Variants in NLRP1 observed in about 807,000 individuals in gnomAD.
NLRP1 encodes NACHT, LRR and PYD domains-containing protein 1.
A neutral mutation model predicts 136.7 loss-of-function variants in NLRP1; 94 were observed. That is an observed-to-expected ratio of 0.69 (90% CI 0.58 to 0.82). The LOEUF is 0.82. Among genes scored for constraint, NLRP1 ranks in the 40% least tolerant of loss-of-function variants. The pLI is 0.00. For synonymous variants in NLRP1, 690 were observed against 725.1 expected, an observed-to-expected ratio of 0.95 and a Z score of 0.78; for missense variants, 1,575 against 1,802.7, an observed-to-expected ratio of 0.87 and a Z score of 2.29.
chr17:5,547,634 T>C (rs1399941678), intron 5 of NLRP1, among the ~76,000 whole-genome samples: 1 of 152,188 alleles, frequency 6.6e-6, no homozygotes, highest in Non-Finnish European at 1.5e-5. Flanking sequence ...ACATTGAAGA[T>C]TGGTGTCTTC....
Position 5,583,596 on chromosome 17 carries a change from G to C in NLRP1, c.271+91C>G. 7.6e-7 allele frequency: 1 copy of C among 1,318,308 alleles called. No homozygotes were observed. Among genetic ancestry groups the C allele is most frequent in the Non-Finnish European group, 1.0e-6 (1 of 968,864 alleles). 81.7% of individuals were successfully genotyped at this position (1,318,308 alleles called of 1,614,324 possible). On this transcript the variant is annotated intron_variant, in intron 1 of 16. Coordinates refer to ENST00000572272, the MANE Select transcript of NLRP1 (RefSeq NM_033004.4). This position sits in a 1 kb window ranked among gnomAD's most constrained non-coding sequence, Gnocchi z 4.5. ...TCACTGCTCAGAGGAAGGCCTGGCAGGGAGGGCTCAGTGGTGGGGTCCCAA... is the reference window on the plus strand; with the variant it reads ...TCACTGCTCAGAGGAAGGCCTGGCACGGAGGGCTCAGTGGTGGGGTCCCAA...
intron 5 of NLRP1, among the ~76,000 whole-genome samples, chr17:5,542,972 G>C (rs1169196887): frequency 6.6e-6 from 1 of 152,156 alleles, no homozygotes; most frequent in African/African-American, 2.4e-5. Context: ...TGGGATTACA[G>C]GTGCCTGCCA....
intron 15 of NLRP1, among the ~76,000 whole-genome samples, chr17:5,516,282 C>T (rs750836129): frequency 3.9e-5 from 6 of 152,000 alleles, no homozygotes; most frequent in Non-Finnish European, 8.8e-5. Context: ...ACTGGACAGT[C>T]CAGGGGTCAA....
In NLRP1 at chr17:5,584,244, G is replaced by A. The variant is rs564501066; in HGVS notation, c.-287C>T. 2.0e-6 allele frequency: 1 copy of A among 512,666 alleles called. No individual in the cohort carries two copies. The highest frequency in any genetic ancestry group is 1.9e-5 in the African/African-American group (1 of 52,120). 31.8% of individuals were successfully genotyped at this position (512,666 alleles called of 1,614,324 possible). A position where few individuals can be genotyped will look rare whatever the true frequency, so the allele number is the denominator to read the frequency against. On this transcript the variant is annotated 5_prime_UTR_variant, in exon 1 of 17. Coordinates refer to ENST00000572272, the MANE Select transcript of NLRP1 (RefSeq NM_033004.4). ...GTCCAGGGCCAGGCAGGGAGGGTGA[G>A]GGTGAGGGGAGATGTGGTGACGGGA...
Position 5,541,796 on chromosome 17 carries a change from T to C in NLRP1, c.2699+61A>G. The C allele has an allele frequency of 6.4e-7, 1 of 1,554,538 alleles. No individual in the cohort carries two copies. The highest frequency in any genetic ancestry group is 1.1e-5 in the South Asian group (1 of 89,594). ...TCACCTTCTCTCTGCTCTTACCCTC[T>C]GCCTGCCTCATGGTGGCAGGCAGTT... On this transcript the variant is annotated intron_variant, in intron 6 of 16. Transcript: ENST00000572272. The surrounding 1 kb of genome is among the most constrained non-coding windows in gnomAD (Gnocchi z 4.2).
chr17:5,546,575 A>G (rs1912688061), intron 5 of NLRP1, among the ~76,000 whole-genome samples: 2 of 152,200 alleles, frequency 1.3e-5, no homozygotes, highest in African/African-American at 4.8e-5. Context: ...GCCATTAGTG[A>G]CAAAACCCCA....
At chr17:5,533,072 A>T (rs1910526522) in intron 10 of NLRP1, 88 bp from the exon 11 acceptor site, 5 of 1,475,650 alleles carry the variant, frequency 3.4e-6, no homozygotes, top group Non-Finnish European at 4.5e-6. Flanking sequence ...GCCCTTCCCA[A>T]GGCTGGCCTG....
At chr17:5,545,531 CACAGACACACACACAG>C (rs1453784827) in intron 5 of NLRP1, among the ~76,000 whole-genome samples, 3 of 145,074 alleles carry the variant, frequency 2.1e-5, no homozygotes, top group South Asian at 5.8e-4. Context: ...CAGACACAGA[CACAGACACACACACAG>C]ACACACACAG....
Position 5,514,655 on chromosome 17 carries a change from G to A in NLRP1, c.*99C>T, listed in dbSNP as rs188196063. 1.6e-4 allele frequency: 240 copies of A among 1,541,258 alleles called. 1 individual carries two copies. The East Asian group carries it at 4.2e-3, about 27-fold the overall frequency. On this transcript the variant is annotated 3_prime_UTR_variant, in exon 17 of 17. Coordinates refer to ENST00000572272, the MANE Select transcript of NLRP1 (RefSeq NM_033004.4). Reference sequence around the variant, plus strand: ...AGTTCCATTACTTTAGTGCTGGAAGGCAAACCAGATGGCAACTTGTTTGCA... The same window carrying A: ...AGTTCCATTACTTTAGTGCTGGAAGACAAACCAGATGGCAACTTGTTTGCA...
chr17:5,551,965 G>A (rs1262572649), intron 5 of NLRP1, among the ~76,000 whole-genome samples: 1 of 151,844 alleles, frequency 6.6e-6, no homozygotes, highest in Non-Finnish European at 1.5e-5. Flanking sequence ...TGTAGAGACA[G>A]AGTCTCTCTA....
In NLRP1 at chr17:5,553,398, A is replaced by T; in HGVS notation, c.2516T>A (p.Leu839Gln). The change falls in exon 5 of 17, where the codon CTG becomes CAG. Residue 839 changes from leucine to glutamine, a missense_variant. Physicochemically the swap from Leu to Gln is moderately radical, Grantham distance 113 (BLOSUM62 -2). Transcript: ENST00000572272. The stretch of plus-strand genomic sequence containing the variant: ...AGGCCAGACTCACCGCAGGGTCTCC[A>T]GGAGGCAGCGAGGGCGTCTCAGGGT... ...CKTLRRPRCL[L>Q]ETLRLAGCGL... The T allele has an allele frequency of 6.2e-7, 1 of 1,613,212 alleles. No homozygotes were observed. Among genetic ancestry groups the T allele is most frequent in the Non-Finnish European group, 8.5e-7 (1 of 1,179,558 alleles).
At chr17:5,511,641 A>C (rs1008255701), downstream of NLRP1, among the ~76,000 whole-genome samples, 4 of 152,004 alleles carry the variant, frequency 2.6e-5, no homozygotes, top group African/African-American at 9.7e-5. Context: ...GGGATGAGGG[A>C]CGGGGAGGTC....
chr17:5,516,024 A>G (rs984137630), intron 15 of NLRP1, among the ~76,000 whole-genome samples: 1 of 152,120 alleles, frequency 6.6e-6, no homozygotes, highest in Admixed American at 6.6e-5. Context: ...GGAATAACAA[A>G]TTAATTTTAA....
Position 5,515,499 on chromosome 17 carries a change from G to T in NLRP1, c.4076C>A (p.Thr1359Asn), listed in dbSNP as rs199928158. The change falls in exon 16 of 17, where the codon ACT becomes AAT. Residue 1359 changes from threonine to asparagine, a missense_variant. Physicochemically the swap from Thr to Asn is moderately conservative, Grantham distance 65. Transcript: ENST00000572272. Reference protein sequence around the residue: ...LVKPGDLMPATTLIPPARIAV... With the variant: ...LVKPGDLMPANTLIPPARIAV... Reference sequence around the variant, plus strand: ...TATGCGGGCTGGAGGGATCAGAGTAGTTGCAGGCATGAGATCTCCTGGAGG... The same window carrying T: ...TATGCGGGCTGGAGGGATCAGAGTATTTGCAGGCATGAGATCTCCTGGAGG... 6.2e-7 allele frequency: 1 copy of T among 1,613,642 alleles called. No homozygotes were observed. Among genetic ancestry groups the T allele is most frequent in the African/African-American group, 1.3e-5 (1 of 74,922 alleles).
intron 3 of NLRP1, among the ~76,000 whole-genome samples, chr17:5,580,522 T>C (rs1207701912): frequency 6.6e-6 from 1 of 152,204 alleles, no homozygotes; most frequent in Non-Finnish European, 1.5e-5. Context: ...TCTTTTCTAT[T>C]GAGTAACAGG....
At chr17:5,571,558 T>A in intron 3 of NLRP1, among the ~76,000 whole-genome samples, 1 of 152,206 alleles carries the variant, frequency 6.6e-6, no homozygotes, top group Non-Finnish European at 1.5e-5. Flanking sequence ...GAAAGATCTC[T>A]ATAGCAAGAA....
chr17:5,501,963 C>T (rs1907110323), intron 15 of NLRP1: 2 of 1,143,836 alleles, frequency 1.7e-6, no homozygotes, highest in Admixed American at 3.5e-5. Context: ...TGCAGCAAAT[C>T]CAACTCAAAC....
At chr17:5,550,227 G>A (rs995477240) in intron 5 of NLRP1, among the ~76,000 whole-genome samples, 3 of 151,904 alleles carry the variant, frequency 2.0e-5, no homozygotes, top group East Asian at 1.9e-4. Context: ...AAATTGGCAC[G>A]TGTTCTCTTT....
downstream of NLRP1, chr17:5,512,232 A>G: frequency 1.3e-6 from 2 of 1,501,532 alleles, no homozygotes; most frequent in South Asian, 1.1e-5. Context: ...CACTACCATC[A>G]GCATAGAGTC....
Sources: allele counts gnomAD v4.1 joint callset (sites outside exome capture counted in the v4.1 genomes callset), GRCh38; gene constraint gnomAD v4.1.1; non-coding constraint Gnocchi (gnomAD v3.1); transcripts MANE v1.5; gene names NCBI Gene and HGNC (gene_info 2026-07-23, HGNC 2026-07-21).